The following GPR158 variants were observed in gnomAD, a reference collection of about 807,000 sequenced individuals.
GPR158 encodes the protein G protein-coupled receptor 158.
Under a neutral mutation model 78.2 loss-of-function variants are expected in GPR158, and 30 were observed. The ratio of observed to expected loss-of-function variants is 0.38; its 90% CI spans 0.29 to 0.52. The LOEUF is 0.52. GPR158 is among the 20% of genes least tolerant of loss of function. The pLI is 0.83. For missense variants in GPR158, 1,463 were observed against 1,523.5 expected (o/e 0.96, Z 0.66); for synonymous variants, 581 against 591.1 (o/e 0.98, Z 0.25).
intron 5 of GPR158, among the ~76,000 whole-genome samples, chr10:25,489,724 A>G (rs1588884969): frequency 1.3e-5 from 2 of 152,204 alleles, no homozygotes; most frequent in South Asian, 4.1e-4. Context: ...CCCACTGCAA[A>G]TCTGTATGGG....
At chr10:25,347,888 G>GT (rs1855395256) in intron 2 of GPR158, among the ~76,000 whole-genome samples, 1 of 151,996 alleles carries the variant, frequency 6.6e-6, no homozygotes, top group Non-Finnish European at 1.5e-5. Flanking sequence ...TCATGCCAGT[G>GT]TAAGAAGCTC....
intron 2 of GPR158, among the ~76,000 whole-genome samples, chr10:25,283,878 A>G (rs1854310653): frequency 1.3e-5 from 2 of 152,014 alleles, no homozygotes; most frequent in Admixed American, 6.6e-5. Context: ...TTATAGTCCC[A>G]TAGTTCATTT....
intron 2 of GPR158, among the ~76,000 whole-genome samples, chr10:25,301,440 G>A (rs993800228): frequency 6.6e-6 from 1 of 152,156 alleles, no homozygotes; most frequent in African/African-American, 2.4e-5. Context: ...ACAGTTCAAT[G>A]TTCTCTTCCA....
At chr10:25,399,620 C>CA (rs1834413932) in intron 3 of GPR158, among the ~76,000 whole-genome samples, 1 of 152,010 alleles carries the variant, frequency 6.6e-6, no homozygotes, top group South Asian at 2.1e-4. Flanking sequence ...ACTCTTTGAC[C>CA]AAAAATATCT....
intron 4 of GPR158, among the ~76,000 whole-genome samples, chr10:25,424,927 T>A (rs999711014): frequency 1.3e-5 from 2 of 152,122 alleles, no homozygotes; most frequent in African/African-American, 4.8e-5. Context: ...GAAGAAAGTC[T>A]TTGGTAGCTT....
At chr10:25,249,318 A>T (rs1484916789) in intron 2 of GPR158, among the ~76,000 whole-genome samples, 2 of 152,158 alleles carry the variant, frequency 1.3e-5, no homozygotes, top group Non-Finnish European at 2.9e-5. Flanking sequence ...TCTCCTGCCT[A>T]ATCGCCCTGG....
intron 2 of GPR158, among the ~76,000 whole-genome samples, chr10:25,298,027 G>A (rs1854540374): frequency 6.6e-6 from 1 of 152,148 alleles, no homozygotes; most frequent in Non-Finnish European, 1.5e-5. Context: ...ATGAGTAAAT[G>A]TGGCATATTG....
chr10:25,251,430 A>G (rs1473278146), intron 2 of GPR158, among the ~76,000 whole-genome samples: 1 of 151,854 alleles, frequency 6.6e-6, no homozygotes, highest in Admixed American at 6.6e-5. Flanking sequence ...ACATTTTGGC[A>G]TGAATTTGCA....
chr10:25,507,234 G>GTGGAA (rs1836025331), intron 5 of GPR158, among the ~76,000 whole-genome samples: 1 of 152,200 alleles, frequency 6.6e-6, no homozygotes, highest in Non-Finnish European at 1.5e-5. Context: ...AGAGGAAGAA[G>GTGGAA]TGGAATGGCA....
At chr10:25,486,104 G>A (rs1185228464) in intron 5 of GPR158, among the ~76,000 whole-genome samples, 3 of 152,128 alleles carry the variant, frequency 2.0e-5, no homozygotes, top group South Asian at 2.1e-4. Context: ...ATAAATTTCT[G>A]TTGTTTTTAA....
At chr10:25,458,582 T>C (rs12415532) in intron 4 of GPR158, among the ~76,000 whole-genome samples, 33,923 of 152,146 alleles carry the variant, frequency 0.22, 5,309 homozygotes, top group African/African-American at 0.44. Flanking sequence ...GAAGAACTAC[T>C]GTTGACTGAG....
At position 25,192,678 on chromosome 10, in the gene GPR158, ATG is replaced by A. The variant is rs1431036278; in HGVS notation, c.902+16358_902+16359del. Among the ~76,000 whole-genome samples, 3 of 152,310 alleles carry A rather than the reference ATG, an allele frequency of 2.0e-5. No individual in the cohort carries two copies. The South Asian group carries it at 6.2e-4, about 32-fold the overall frequency. ...TACTAAACTTTTTTTAAAAGTTATA[ATG>A]TATTGTCTCCGATTTATGATGGTTC... On this transcript the variant is annotated intron_variant, in intron 1 of 10. Transcript: ENST00000376351.
chr10:25,514,697 G>A (rs998696616), intron 5 of GPR158, among the ~76,000 whole-genome samples: 2 of 152,254 alleles, frequency 1.3e-5, no homozygotes, highest in Middle Eastern at 3.4e-3. Flanking sequence ...AGCAGTTCTT[G>A]TAGTGCTGGC....
At chr10:25,470,111 T>G (rs1382415770) in intron 5 of GPR158, among the ~76,000 whole-genome samples, 1 of 152,138 alleles carries the variant, frequency 6.6e-6, no homozygotes, top group Non-Finnish European at 1.5e-5. Flanking sequence ...TATAACATCA[T>G]TTTCTAATCC....
chr10:25,572,692 T>C lies in GPR158; in HGVS notation c.1558T>C (p.Tyr520His). The change falls in exon 7 of 11, where the codon TAT (tyrosine) becomes CAT (histidine). Residue 520 changes from tyrosine (Y) to histidine (H), a missense_variant. Physicochemically the swap from Tyr to His is moderately conservative, Grantham distance 83 (BLOSUM62 2). Coordinates refer to ENST00000376351, the MANE Select transcript of GPR158 (RefSeq NM_020752.3). ...FLSRTAQRIPYMTGGRVMRML... is the reference protein window; with the variant it reads ...FLSRTAQRIPHMTGGRVMRML... Reference sequence around the variant, plus strand: ...TTCACGAACGGCTCAACGAATTCCATATATGACTGGCGGACGGGTCATGAG... The same window carrying C: ...TTCACGAACGGCTCAACGAATTCCACATATGACTGGCGGACGGGTCATGAG... The C allele has an allele frequency of 6.2e-7, 1 of 1,614,070 alleles. No individual in the cohort carries two copies. Among genetic ancestry groups the C allele is most frequent in the Non-Finnish European group, 8.5e-7 (1 of 1,179,904 alleles).
At chr10:25,551,382 G>A (rs1353630197) in intron 6 of GPR158, among the ~76,000 whole-genome samples, 1 of 152,118 alleles carries the variant, frequency 6.6e-6, no homozygotes, top group African/African-American at 2.4e-5. Flanking sequence ...AGAGCAGGAA[G>A]GAATACAAAG....
At chr10:25,347,358 T>A (rs2130513977) in intron 2 of GPR158, among the ~76,000 whole-genome samples, 1 of 152,116 alleles carries the variant, frequency 6.6e-6, no homozygotes, top group South Asian at 2.1e-4. Flanking sequence ...AGGACACATG[T>A]GATTAGCTCA....
chr10:25,566,108 G>T (rs1430065008), intron 6 of GPR158, among the ~76,000 whole-genome samples: 1 of 152,134 alleles, frequency 6.6e-6, no homozygotes, highest in African/African-American at 2.4e-5. Context: ...AAGGAGACAG[G>T]ATCTTACAGG....
intron 1 of GPR158, among the ~76,000 whole-genome samples, chr10:25,212,222 AGGCT>A (rs748011611): frequency 1.1e-4 from 16 of 152,308 alleles, no homozygotes; most frequent in South Asian, 6.2e-4. Flanking sequence ...ACAGTTCTGC[AGGCT>A]GTACAGGAAG....
Sources: gnomAD v4.1 joint callset for allele counts (sites outside exome capture counted in the v4.1 genomes callset) on GRCh38, gnomAD v4.1.1 for gene constraint, MANE v1.5 for transcripts, NCBI Gene and HGNC (gene_info 2026-07-23, HGNC 2026-07-21) for gene names.